Variants in ZNF385D observed in about 807,000 individuals in gnomAD.
The protein encoded by ZNF385D is zinc finger protein 385D.
ZNF385D carries 15 observed loss-of-function variants against 35.8 expected under a neutral mutation model. The ratio of observed to expected loss-of-function variants is 0.42; its 90% confidence interval spans 0.28 to 0.64. The LOEUF is 0.64. Ranked by LOEUF, ZNF385D falls within the 30% of genes least tolerant of loss-of-function variation. The pLI is 0.23. For synonymous variants in ZNF385D, 212 were observed against 186.8 expected, an observed-to-expected ratio of 1.13 and a Z score of -1.10; for missense variants, 474 against 494.6, an observed-to-expected ratio of 0.96 and a Z score of 0.39.
At chr3:22,297,034 T>A (rs1702622246) in intron 2 of ZNF385D, among the ~76,000 whole-genome samples, 1 of 152,112 alleles carries the variant, frequency 6.6e-6, no homozygotes, top group Non-Finnish European at 1.5e-5. Context: ...ATACTCCCCC[T>A]GCAATTATTT....
chr3:21,524,674 G>A (rs1008163441), intron 3 of ZNF385D, among the ~76,000 whole-genome samples: 4 of 152,140 alleles, frequency 2.6e-5, no homozygotes, highest in African/African-American at 9.7e-5. Context: ...GATTCGTAAA[G>A]TCCAACTATA....
chr3:21,456,507 G>A (rs1467476106), intron 4 of ZNF385D, among the ~76,000 whole-genome samples: 4 of 152,080 alleles, frequency 2.6e-5, no homozygotes, highest in African/African-American at 7.2e-5. Flanking sequence ...AACACCGCAT[G>A]TTCTCACTCA....
intron 3 of ZNF385D, among the ~76,000 whole-genome samples, chr3:21,552,495 T>G (rs971847175): frequency 2.0e-5 from 3 of 152,230 alleles, no homozygotes; most frequent in African/African-American, 7.2e-5. Flanking sequence ...TTGTTTGGTT[T>G]GTAAAACATA....
At chr3:21,608,012 C>CTTCTTTTTTTTTTTTTTTT (rs2064536095) in intron 2 of ZNF385D, among the ~76,000 whole-genome samples, 9 of 123,958 alleles carry the variant, frequency 7.3e-5, no homozygotes, top group African/African-American at 2.5e-4. Flanking sequence ...TCTTTTTCTT[C>CTTCTTTTTTTTTTTTTTTT]TTTTTTTTTT....
At chr3:21,670,419 G>C (rs1030501354) in intron 1 of ZNF385D, among the ~76,000 whole-genome samples, 12 of 151,748 alleles carry the variant, frequency 7.9e-5, no homozygotes, top group African/African-American at 2.7e-4. Flanking sequence ...TAGATCCTAA[G>C]TAGTTATTTA....
chr3:21,565,743 T>A (rs150959169), intron 2 of ZNF385D, among the ~76,000 whole-genome samples: 4 of 152,336 alleles, frequency 2.6e-5, no homozygotes, highest in South Asian at 2.1e-4. Flanking sequence ...TCAAACACTA[T>A]ACTCATTGTT....
At chr3:21,811,881 A>G (rs1231530820) in intron 3 of ZNF385D, among the ~76,000 whole-genome samples, 2 of 152,232 alleles carry the variant, frequency 1.3e-5, no homozygotes, top group Non-Finnish European at 2.9e-5. Context: ...TAATGAATAG[A>G]TTAGGGTAAC....
At position 22,327,234 on chromosome 3, in the gene ZNF385D, A is replaced by T. The variant is rs1182507602; in HGVS notation, c.106+45216T>A. Among the ~76,000 whole-genome samples the T allele has an allele frequency of 3.7e-4, 57 of 152,226 alleles. 1 individual carries two copies. Among genetic ancestry groups the T allele is most frequent in the Non-Finnish European group, 1.0e-4 (7 of 68,036 alleles). ...CATTCGAAAACTGGTAGCCAGGAAC[A>T]TTAAACCTTACAAGTTGGATTCTGT... is the stretch of plus-strand genomic sequence containing the variant. On this transcript the variant is annotated intron_variant, in intron 2 of 5. Transcript: ENST00000494108.
chr3:21,824,506 T>TATGTC (rs1288303200), intron 3 of ZNF385D, among the ~76,000 whole-genome samples: 2 of 152,180 alleles, frequency 1.3e-5, no homozygotes, highest in African/African-American at 4.8e-5. Flanking sequence ...TTTATGTACA[T>TATGTC]ATGTCTGTAC....
intron 2 of ZNF385D, among the ~76,000 whole-genome samples, chr3:21,614,202 T>A (rs1297171091): frequency 6.6e-6 from 1 of 152,194 alleles, no homozygotes; most frequent in African/African-American, 2.4e-5. Context: ...CAGGTCTGAC[T>A]CCTGAGGCTT....
chr3:22,283,819 C>T (rs1015252147), intron 2 of ZNF385D, among the ~76,000 whole-genome samples: 1 of 152,120 alleles, frequency 6.6e-6, no homozygotes, highest in African/African-American at 2.4e-5. Context: ...TGGGAAGGTA[C>T]AATTTTCCAC....
intron 3 of ZNF385D, among the ~76,000 whole-genome samples, chr3:22,057,817 C>T (rs1234407211): frequency 1.3e-5 from 2 of 152,038 alleles, no homozygotes; most frequent in South Asian, 2.1e-4. Context: ...CCCGGCCTCA[C>T]GTTTTTAAAA....
intron 3 of ZNF385D, among the ~76,000 whole-genome samples, chr3:22,086,460 G>A (rs562545682): frequency 2.0e-5 from 3 of 152,128 alleles, no homozygotes; most frequent in Non-Finnish European, 4.4e-5. Flanking sequence ...TTGCTTCAAA[G>A]AGAATAAAAT....
chr3:21,503,738 A>G (rs922050295), intron 4 of ZNF385D, among the ~76,000 whole-genome samples: 1 of 152,156 alleles, frequency 6.6e-6, no homozygotes, highest in Non-Finnish European at 1.5e-5. Context: ...ATCACTGGCC[A>G]TCATTTTCCA....
chr3:21,926,429 C>G (rs1466299871), intron 3 of ZNF385D, among the ~76,000 whole-genome samples: 2 of 152,102 alleles, frequency 1.3e-5, no homozygotes, highest in Non-Finnish European at 1.5e-5. Flanking sequence ...ATGATGGTTT[C>G]CAGCTTAATC....
chr3:21,890,945 A>G (rs1053767350), intron 3 of ZNF385D, among the ~76,000 whole-genome samples: 2 of 152,178 alleles, frequency 1.3e-5, no homozygotes, highest in African/African-American at 4.8e-5. Flanking sequence ...AAGAATTTCA[A>G]GGTGGGAGAA....
At chr3:21,494,962 G>A (rs768549337) in intron 4 of ZNF385D, among the ~76,000 whole-genome samples, 32 of 152,088 alleles carry the variant, frequency 2.1e-4, no homozygotes, top group Non-Finnish European at 4.6e-4. Flanking sequence ...TGCTCTAGAC[G>A]TTCATGGCAC....
chr3:22,193,398 TCCTAA>T (rs148624138), intron 2 of ZNF385D, among the ~76,000 whole-genome samples: 18,794 of 151,990 alleles, frequency 0.12, 1,484 homozygotes, highest in Middle Eastern at 0.23. Context: ...AAAATTAAAA[TCCTAA>T]CCTATTTACT....
At chr3:21,736,512 C>T (rs535573723) in intron 1 of ZNF385D, among the ~76,000 whole-genome samples, 2 of 152,240 alleles carry the variant, frequency 1.3e-5, no homozygotes, top group East Asian at 3.9e-4. Context: ...TTATAACTAC[C>T]TTCAGAGATC....
Sources: gnomAD v4.1 joint callset for allele counts (sites outside exome capture counted in the v4.1 genomes callset) on GRCh38, gnomAD v4.1.1 for gene constraint, MANE v1.5 for transcripts, NCBI Gene and HGNC (gene_info 2026-07-23, HGNC 2026-07-21) for gene names.